The following TCTN3 variants were observed in gnomAD, a reference collection of about 807,000 sequenced individuals.
TCTN3 encodes tectonic-3.
A neutral mutation model predicts 71.3 loss-of-function variants in TCTN3; 57 were observed. That is an observed-to-expected ratio of 0.80 (90% CI 0.65 to 1.00). TCTN3 has a LOEUF of 1.00. Among genes scored for constraint, TCTN3 ranks in the 50% least tolerant of loss-of-function variants. The pLI is 0.00. For synonymous variants in TCTN3, 258 were observed against 267.8 expected (o/e 0.96, Z 0.36); for missense variants, 696 against 719.9 (o/e 0.97, Z 0.38).
intron 12 of TCTN3, among the ~76,000 whole-genome samples, chr10:95,680,904 A>C (rs1169208839): frequency 7.8e-5 from 11 of 141,476 alleles, no homozygotes; most frequent in African/African-American, 1.1e-4. Context: ...TCAGCCTCTC[A>C]AGTAGCTGGG....
intron 13 of TCTN3, among the ~76,000 whole-genome samples, chr10:95,676,392 C>A (rs2097937229): frequency 6.6e-6 from 1 of 151,544 alleles, no homozygotes; most frequent in Non-Finnish European, 1.5e-5. Context: ...TTAGTAGAGA[C>A]AGGGTTTCAC....
Position 95,693,890 on chromosome 10 carries a change from G to A in TCTN3, c.10C>T (p.Pro4Ser), listed in dbSNP as rs2097956352. 8 of 1,551,650 alleles carry A rather than the reference G, an allele frequency of 5.2e-6. No individual in the cohort carries two copies. Among genetic ancestry groups the A allele is most frequent in the Non-Finnish European group, 6.1e-6 (7 of 1,146,964 alleles). ...AACACTTGCAGGAGCGCGAGCTGTG[G>A]GGTGCGCATGGGGCATTCAGGGCCT... MRT[P>S]QLALLQVFFL... Residue 4 changes from proline (P) to serine (S), a missense_variant, in exon 1 of 14, where the codon CCA becomes TCA. Coordinates refer to ENST00000371217, the MANE Select transcript of TCTN3 (RefSeq NM_015631.6).
intron 3 of TCTN3, among the ~76,000 whole-genome samples, chr10:95,691,069 G>A (rs2097953062): frequency 6.6e-6 from 1 of 152,128 alleles, no homozygotes; most frequent in Non-Finnish European, 1.5e-5. Flanking sequence ...GCAGGAGTGG[G>A]GATCAAAAGC....
chr10:95,692,744 T>C (rs1462253219), intron 3 of TCTN3, 176 bp downstream of exon 3: 3 of 584,946 alleles, frequency 5.1e-6, no homozygotes, highest in African/African-American at 3.7e-5. Flanking sequence ...GTAAACTTTC[T>C]TAAAACATTT....
intron 13 of TCTN3, among the ~76,000 whole-genome samples, chr10:95,671,140 TG>T (rs2097930860): frequency 6.6e-6 from 1 of 152,198 alleles, no homozygotes; most frequent in Admixed American, 6.5e-5. Context: ...GGAAGAGCAC[TG>T]GGGAAAAATA....
At chr10:95,675,367 C>G (rs1340572098) in intron 13 of TCTN3, among the ~76,000 whole-genome samples, 1 of 152,106 alleles carries the variant, frequency 6.6e-6, no homozygotes, top group African/African-American at 2.4e-5. Flanking sequence ...GCTGGGATTA[C>G]AGGTGTGAGC....
chr10:95,670,534 A>G lies in TCTN3; in HGVS notation c.1591-6234T>C, dbSNP rs1168663322. 2.0e-5 allele frequency among the ~76,000 whole-genome samples: 3 copies of G among 150,296 alleles called. 1 individual carries two copies. Among genetic ancestry groups the G allele is most frequent in the Non-Finnish European group, 3.0e-5 (2 of 67,658 alleles). On this transcript the variant is annotated intron_variant, in intron 13 of 13. Transcript: ENST00000371217. ...CCACCTTGCACATCTAATTTTTTGT[A>G]TATTTTTTTTTTTAGTAGAGATGGG...
Position 95,690,521 on chromosome 10 carries a change from G to A in TCTN3, c.499+2399C>T, listed in dbSNP as rs145794169. Reference sequence around the variant, plus strand: ...AAATATAGGTATTTCAAAATGCAAAGAGAAAAAGGAACTATAGAGTCAGAA... The same window carrying A: ...AAATATAGGTATTTCAAAATGCAAAAAGAAAAAGGAACTATAGAGTCAGAA... On this transcript the variant is annotated intron_variant, in intron 3 of 13. Transcript: ENST00000371217. Among the ~76,000 whole-genome samples the A allele has an allele frequency of 4.8e-4, 73 of 152,248 alleles. No homozygotes were observed. The East Asian group carries it at 0.014, about 29-fold the overall frequency.
At chr10:95,665,678 C>T (rs2097924964) in intron 13 of TCTN3, among the ~76,000 whole-genome samples, 1 of 152,078 alleles carries the variant, frequency 6.6e-6, no homozygotes, top group Admixed American at 6.6e-5. Context: ...ATTTCAGAGC[C>T]TTTAGGAGGG....
intron 13 of TCTN3, among the ~76,000 whole-genome samples, chr10:95,673,218 G>A (rs1250605007): frequency 6.6e-6 from 1 of 151,954 alleles, no homozygotes; most frequent in African/African-American, 2.4e-5. Context: ...AAAGTTTATG[G>A]TCAATGATTT....
chr10:95,668,211 T>C (rs1239939326), intron 13 of TCTN3, among the ~76,000 whole-genome samples: 2 of 97,560 alleles, frequency 2.1e-5, no homozygotes, highest in African/African-American at 4.1e-5. Context: ...AAAAGAAAAA[T>C]AGAGATTCAA....
At chr10:95,690,973 T>C (rs1193486566) in intron 3 of TCTN3, among the ~76,000 whole-genome samples, 1 of 152,128 alleles carries the variant, frequency 6.6e-6, no homozygotes, top group African/African-American at 2.4e-5. Flanking sequence ...ATAACTACTA[T>C]TGGAAGTGGC....
intron 13 of TCTN3, among the ~76,000 whole-genome samples, chr10:95,664,653 A>C (rs142643223): frequency 0.012 from 1,756 of 152,310 alleles, 95 homozygotes; most frequent in Admixed American, 0.084. Context: ...GAAACAGTAC[A>C]TATGTACAAG....
intron 10 of TCTN3, 103 bp downstream of exon 10, chr10:95,683,419 G>T: frequency 6.3e-7 from 1 of 1,586,482 alleles, no homozygotes; most frequent in South Asian, 1.1e-5. Context: ...TCATTATAAT[G>T]AACAAAAAAT....
chr10:95,663,980 G>T lies in TCTN3; in HGVS notation c.*87C>A. 2 of 1,046,650 alleles carry T rather than the reference G, an allele frequency of 1.9e-6. No homozygotes were observed. The highest frequency in any genetic ancestry group is 2.9e-6 in the Non-Finnish European group (2 of 679,296). The allele number at this position is 1,046,650 out of a possible 1,614,324, so 64.8% of individuals were successfully genotyped here. A position where few individuals can be genotyped will look rare whatever the true frequency, so the allele number is the denominator to read the frequency against. On this transcript the variant is annotated 3_prime_UTR_variant, in exon 14 of 14. Transcript: ENST00000371217. ...ATTATCCTAAATGCTCTCTGGTCAT[G>T]AGCAGGTGAGGTTCTATTTAGCCAA...
intron 13 of TCTN3, among the ~76,000 whole-genome samples, chr10:95,675,647 T>C (rs1349415876): frequency 6.6e-6 from 1 of 152,196 alleles, no homozygotes; most frequent in Non-Finnish European, 1.5e-5. Flanking sequence ...GAGTCATAGT[T>C]ATTAAGTCTA....
At position 95,693,735 on chromosome 10, in the gene TCTN3, T is replaced by G. The variant is rs1385808173; in HGVS notation, c.165A>C (p.Ala55=). 7.7e-6 allele frequency: 12 copies of G among 1,551,484 alleles called. No individual in the cohort carries two copies. The highest frequency in any genetic ancestry group is 7.8e-6 in the Non-Finnish European group (9 of 1,146,970). ...GTLQSPSEAT[A]TRPAVPGLPT... The stretch of plus-strand genomic sequence containing the variant: ...GGAGTCCAGGCACGGCCGGGCGAGT[T>G]GCAGTCGCCTCTGAAGGGGACTGGA... Residue 55 remains alanine, a synonymous_variant, in exon 1 of 14, where the codon GCA becomes GCC. Transcript: ENST00000371217.
At chr10:95,687,201 T>G (rs760247118) in intron 5 of TCTN3, 42 bp from the exon 6 acceptor site, 1 of 1,611,974 alleles carries the variant, frequency 6.2e-7, no homozygotes, top group Admixed American at 1.7e-5. Flanking sequence ...TGAGAAAGCC[T>G]GTTTTAAATT....
chr10:95,678,148 CAAGTGT>C (rs1264198553), intron 13 of TCTN3, among the ~76,000 whole-genome samples: 3 of 152,186 alleles, frequency 2.0e-5, no homozygotes, highest in Non-Finnish European at 4.4e-5. Flanking sequence ...ATACATTCTG[CAAGTGT>C]AACTCCTCCT....
Sources: gnomAD v4.1 joint callset for allele counts (sites outside exome capture counted in the v4.1 genomes callset) on GRCh38, gnomAD v4.1.1 for gene constraint, MANE v1.5 for transcripts, NCBI Gene and HGNC (gene_info 2026-07-23, HGNC 2026-07-21) for gene names.